Variants in PRKCE observed in about 807,000 individuals in gnomAD.
The protein encoded by PRKCE is protein kinase C epsilon.
In PRKCE, 16 loss-of-function variants were observed where a neutral mutation model predicts 85.4. The observed-to-expected ratio is 0.19, with a 90% CI of 0.13 to 0.28. The LOEUF (loss-of-function observed/expected upper bound fraction) is 0.28. Among genes scored for constraint, PRKCE ranks in the 10% least tolerant of loss-of-function variants. The pLI is 1.00. For missense variants in PRKCE, 573 were observed against 975.2 expected (o/e 0.59, Z 5.49); for synonymous variants, 388 against 371.5 (o/e 1.04, Z -0.51).
chr2:45,856,772 T>G (rs1006002826), intron 2 of PRKCE, among the ~76,000 whole-genome samples: 31 of 152,358 alleles, frequency 2.0e-4, no homozygotes, highest in African/African-American at 7.2e-4. Flanking sequence ...ATCAACTTTT[T>G]AAGATTCCAC....
intron 1 of PRKCE, among the ~76,000 whole-genome samples, chr2:45,829,027 T>A (rs35958167): frequency 0.016 from 3 of 190 alleles, no homozygotes; most frequent in East Asian, 0.17. Context: ...ATTCAACAAG[T>A]TTTTTTTTTC....
rs1372990546 is a variant in PRKCE, at chr2:46,135,435, C to A, written c.1593-9658C>A. Among the ~76,000 whole-genome samples, 5 of 152,150 alleles carry A rather than the reference C, an allele frequency of 3.3e-5. No individual in the cohort carries two copies. The East Asian group carries it at 9.6e-4, about 29-fold the overall frequency. On this transcript the variant is annotated intron_variant, in intron 11 of 14. Coordinates refer to ENST00000306156, the MANE Select transcript of PRKCE (RefSeq NM_005400.3). ...TGTGTCCTGGGCCAGTCAAGTAACC[C>A]CTCAAACTCTTTTTCCTCATCTAGC...
chr2:45,665,798 G>A (rs632357), intron 1 of PRKCE, among the ~76,000 whole-genome samples: 68,091 of 152,080 alleles, frequency 0.45, 18,441 homozygotes, highest in Non-Finnish European at 0.59. Context: ...CTTGGCCTTC[G>A]ATTTTTCTTT....
At chr2:46,002,281 C>T (rs2104735088) in intron 7 of PRKCE, among the ~76,000 whole-genome samples, 1 of 152,280 alleles carries the variant, frequency 6.6e-6, no homozygotes, top group Non-Finnish European at 1.5e-5. Flanking sequence ...AAATTAGAAC[C>T]ATGTTAACAG....
At chr2:46,046,634 C>A (rs1006319382) in intron 10 of PRKCE, among the ~76,000 whole-genome samples, 6 of 152,168 alleles carry the variant, frequency 3.9e-5, no homozygotes, top group African/African-American at 1.2e-4. Flanking sequence ...TGGGTTCTTC[C>A]TGGTAAGAGT....
At chr2:46,148,166 A>C (rs979327775) in intron 12 of PRKCE, among the ~76,000 whole-genome samples, 3 of 152,132 alleles carry the variant, frequency 2.0e-5, no homozygotes, top group Non-Finnish European at 4.4e-5. Context: ...CCTGCTTCCC[A>C]GGAAGTGGCC....
intron 2 of PRKCE, among the ~76,000 whole-genome samples, chr2:45,884,344 G>A (rs1695086990): frequency 6.6e-6 from 1 of 152,094 alleles, no homozygotes; most frequent in African/African-American, 2.4e-5. Context: ...TTTATTGCTG[G>A]GTAAACCAAA....
intron 10 of PRKCE, among the ~76,000 whole-genome samples, chr2:46,029,608 G>C (rs1225029647): frequency 6.6e-6 from 1 of 151,878 alleles, no homozygotes; most frequent in Non-Finnish European, 1.5e-5. Context: ...GCAGGTCCTA[G>C]ACCAAGAGCT....
At chr2:46,037,050 C>T (rs1482578139) in intron 10 of PRKCE, among the ~76,000 whole-genome samples, 1 of 152,182 alleles carries the variant, frequency 6.6e-6, no homozygotes, top group Non-Finnish European at 1.5e-5. Context: ...CCACAGCTGG[C>T]GTCCAGGACA....
At chr2:45,869,740 C>T (rs1392606604) in intron 2 of PRKCE, among the ~76,000 whole-genome samples, 4 of 126,806 alleles carry the variant, frequency 3.2e-5, no homozygotes, top group African/African-American at 1.1e-4. Context: ...TGGTGTCTCA[C>T]TCTGTCACCC....
intron 1 of PRKCE, among the ~76,000 whole-genome samples, chr2:45,654,440 T>C (rs1675285948): frequency 6.6e-6 from 1 of 152,182 alleles, no homozygotes; most frequent in Non-Finnish European, 1.5e-5. Context: ...GACATTGAGT[T>C]CCAGAGAAGC....
chr2:45,683,474 C>A (rs1363560031), intron 1 of PRKCE, among the ~76,000 whole-genome samples: 4 of 152,088 alleles, frequency 2.6e-5, no homozygotes, highest in African/African-American at 9.7e-5. Flanking sequence ...AAAAGTAATA[C>A]CCCGAGGAGT....
chr2:45,826,874 A>G (rs4953266), intron 1 of PRKCE, among the ~76,000 whole-genome samples: 95,614 of 152,006 alleles, frequency 0.63, 31,266 homozygotes, highest in African/African-American at 0.81. Flanking sequence ...ACCAATTCCC[A>G]TCACCTCCAC....
chr2:46,073,339 G>T lies in PRKCE; in HGVS notation c.1438-12869G>T, dbSNP rs977992261. On this transcript the variant is annotated intron_variant, in intron 10 of 14. Transcript: ENST00000306156. ...ACTGGGCTTAGTTTGACCCTTTGCA[G>T]TGACACAGACCAAATCTCCTTCCAA... 12 of 152,244 alleles carry T rather than the reference G, an allele frequency of 7.9e-5. 1 individual carries two copies. The allele number at this position is 152,244 out of a possible 1,614,324, so 9.4% of individuals were successfully genotyped here.
rs141054244 is a variant in PRKCE, at chr2:45,897,364, G to A, written c.412+54301G>A. The stretch of plus-strand genomic sequence containing the variant: ...CAGGACACAGCCTGGTAATCACTGT[G>A]AGAGACGGCATCATTGCGAACTTGG... On this transcript the variant is annotated intron_variant, in intron 2 of 14. Transcript: ENST00000306156. 5.6e-3 allele frequency among the ~76,000 whole-genome samples: 854 copies of A among 152,308 alleles called. 6 individuals are homozygous for A. Among genetic ancestry groups the A allele is most frequent in the Non-Finnish European group, 9.7e-3 (658 of 68,032 alleles).
In PRKCE at chr2:45,850,216, C is replaced by T. The variant is rs567481515; in HGVS notation, c.412+7153C>T. 9.2e-5 allele frequency among the ~76,000 whole-genome samples: 14 copies of T among 152,238 alleles called. No individual in the cohort carries two copies. In the South Asian group the frequency reaches 2.1e-3, roughly 23 times the overall value. On this transcript the variant is annotated intron_variant, in intron 2 of 14. Coordinates refer to ENST00000306156, the MANE Select transcript of PRKCE (RefSeq NM_005400.3). ...TCCTTCCCCTCTGCCATTACAGGAG[C>T]GTAGATATATATTTCCTTTTGACTG...
At chr2:45,976,814 A>T (rs1032501536) in intron 3 of PRKCE, among the ~76,000 whole-genome samples, 1 of 151,536 alleles carries the variant, frequency 6.6e-6, no homozygotes, top group African/African-American at 2.4e-5. Flanking sequence ...CTAGAATTTT[A>T]TGAAAAGAGT....
chr2:46,128,018 C>T lies in PRKCE; in HGVS notation c.1593-17075C>T, dbSNP rs139448133. 1.7e-3 allele frequency among the ~76,000 whole-genome samples: 266 copies of T among 152,328 alleles called. 2 individuals carry two copies. Among genetic ancestry groups the T allele is most frequent in the Non-Finnish European group, 2.1e-3 (140 of 68,042 alleles). Reference sequence around the variant, plus strand: ...TGTTCCATGTTCACACACTGAGGTACGCCCTTTGTGGCAGACAGAGTCTGC... The same window carrying T: ...TGTTCCATGTTCACACACTGAGGTATGCCCTTTGTGGCAGACAGAGTCTGC... On this transcript the variant is annotated intron_variant, in intron 11 of 14. Transcript: ENST00000306156.
At chr2:46,057,041 A>ATC (rs373165361) in intron 10 of PRKCE, among the ~76,000 whole-genome samples, 7 of 151,784 alleles carry the variant, frequency 4.6e-5, no homozygotes, top group African/African-American at 1.7e-4. Context: ...CTGGCTGGGC[A>ATC]TCTCTCTCTC....
Sources: gnomAD v4.1 joint callset for allele counts (sites outside exome capture counted in the v4.1 genomes callset) on GRCh38, gnomAD v4.1.1 for gene constraint, MANE v1.5 for transcripts, NCBI Gene and HGNC (gene_info 2026-07-23, HGNC 2026-07-21) for gene names.